The following SETD3 variants were observed in gnomAD, a reference collection of about 807,000 sequenced individuals.
The protein encoded by SETD3 is actin-histidine N-methyltransferase.
SETD3 carries 19 observed loss-of-function variants against 63.0 expected under a neutral mutation model. That is an observed-to-expected ratio of 0.30 (90% CI 0.21 to 0.44). The LOEUF is 0.44. SETD3 is among the 20% of genes least tolerant of loss of function. SETD3 has a pLI of 1.00. For missense variants in SETD3, 587 were observed against 728.5 expected, an observed-to-expected ratio of 0.81 and a Z score of 2.24; for synonymous variants, 286 against 264.1, an observed-to-expected ratio of 1.08 and a Z score of -0.80.
chr14:99,411,593 A>G (rs1336889296), intron 8 of SETD3: 1 of 152,200 alleles, frequency 6.6e-6, no homozygotes, highest in Admixed American at 6.5e-5. Flanking sequence ...AAAGAACTCT[A>G]ATAATCAATT....
intron 6 of SETD3, among the ~76,000 whole-genome samples, chr14:99,420,561 G>A (rs992948384): frequency 2.0e-5 from 3 of 152,008 alleles, no homozygotes; most frequent in African/African-American, 4.8e-5. Flanking sequence ...CAGCCCATGT[G>A]GGCACCCCTG....
chr14:99,448,482 G>A (rs534823715), intron 6 of SETD3, among the ~76,000 whole-genome samples: 1 of 152,160 alleles, frequency 6.6e-6, no homozygotes, highest in Admixed American at 6.5e-5. Flanking sequence ...TTACCTCACT[G>A]GAAAAGTCCT....
At chr14:99,452,967 G>C (rs1894547581) in intron 6 of SETD3, among the ~76,000 whole-genome samples, 1 of 152,218 alleles carries the variant, frequency 6.6e-6, no homozygotes, top group Non-Finnish European at 1.5e-5. Context: ...TGAATTTGGA[G>C]CACCCTGCCA....
At chr14:99,420,975 GGTGGGA>G in intron 6 of SETD3, among the ~76,000 whole-genome samples, 1 of 76,224 alleles carries the variant, frequency 1.3e-5, no homozygotes. Flanking sequence ...GGGGGGGGGG[GGTGGGA>G]GGTGCAGACA....
intron 1 of SETD3, among the ~76,000 whole-genome samples, chr14:99,473,856 T>C (rs982763965): frequency 2.6e-5 from 4 of 152,184 alleles, no homozygotes; most frequent in Non-Finnish European, 5.9e-5. Context: ...AATGTTTCCT[T>C]TCCTACAGAT....
At chr14:99,473,151 G>C (rs578071791) in intron 1 of SETD3, among the ~76,000 whole-genome samples, 2 of 152,298 alleles carry the variant, frequency 1.3e-5, no homozygotes, top group African/African-American at 4.8e-5. Context: ...ATTATTTAAA[G>C]TGCTGACTAA....
intron 6 of SETD3, among the ~76,000 whole-genome samples, chr14:99,446,747 T>C (rs900594093): frequency 6.6e-6 from 1 of 151,962 alleles, no homozygotes; most frequent in Admixed American, 6.6e-5. Context: ...CATGGTTTAA[T>C]AGGAGGACTT....
chr14:99,446,594 C>T (rs771126028), intron 6 of SETD3, among the ~76,000 whole-genome samples: 3 of 152,136 alleles, frequency 2.0e-5, no homozygotes, highest in Non-Finnish European at 2.9e-5. Flanking sequence ...CAAACACCTG[C>T]GTCACAGGTA....
intron 8 of SETD3, 91 bp downstream of exon 8, chr14:99,412,860 T>G (rs1282825990): frequency 6.9e-6 from 6 of 875,378 alleles, no homozygotes; most frequent in Non-Finnish European, 1.1e-5. Context: ...ACGGGGGGAG[T>G]ACGATGGGTA....
At position 99,480,817 on chromosome 14, in the gene SETD3, T is replaced by TGGC. The variant is rs941563485; in HGVS notation, c.-101_-99dup. ...ACCAACCCCCAGGCGGTGGCGGCGG[T>TGGC]GGCGGCGGCGGCGGCCGGACGGGAG... On this transcript the variant is annotated 5_prime_UTR_variant, in exon 1 of 13. Coordinates refer to ENST00000331768, the MANE Select transcript of SETD3 (RefSeq NM_032233.3). The TGGC allele has an allele frequency of 1.5e-4, 25 of 161,728 alleles. No homozygotes were observed. Among genetic ancestry groups the TGGC allele is most frequent in the Non-Finnish European group, 3.0e-4 (23 of 76,798 alleles). The allele number at this position is 161,728 out of a possible 1,614,324, so 10.0% of individuals were successfully genotyped here.
At position 99,431,080 on chromosome 14, in the gene SETD3, A is replaced by AG. The variant is rs528164012; in HGVS notation, c.676-17147dup. Among the ~76,000 whole-genome samples the AG allele has an allele frequency of 3.7e-4, 57 of 152,360 alleles. 1 individual carries two copies. Among genetic ancestry groups the AG allele is most frequent in the African/African-American group, 1.3e-3 (56 of 41,596 alleles). ...AAAAGGCCCAGAAAAGCCCTGCCCC[A>AG]GGTCATCCAACCAGAAAGTACAGGA... On this transcript the variant is annotated intron_variant, in intron 6 of 12. Coordinates refer to ENST00000331768, the MANE Select transcript of SETD3 (RefSeq NM_032233.3).
At chr14:99,467,829 A>C (rs1037668390) in intron 1 of SETD3, among the ~76,000 whole-genome samples, 4 of 152,156 alleles carry the variant, frequency 2.6e-5, no homozygotes, top group African/African-American at 9.7e-5. Flanking sequence ...ACAGCTACAA[A>C]ACAGGCTCTA....
rs115281851 is a variant in SETD3 at position 99,458,390 on chromosome 14, G to A, written c.564C>T (p.Tyr188=). 1.4e-3 allele frequency: 2,283 copies of A among 1,614,150 alleles called. 25 individuals carry two copies. The African/African-American group carries it at 0.025, about 18-fold the overall frequency. The change falls in exon 6 of 13, where the codon TAC becomes TAT. Residue 188 remains tyrosine (Y), a synonymous_variant. Transcript: ENST00000331768. The part of the protein sequence containing the change: ...TLPSEYDTPL[Y]FEEDEVRYLQ... ...GATACCGAACTTCATCTTCTTCAAA[G>A]TAGAGAGGAGTGTCATATTCACTGG...
At chr14:99,481,539 G>A (rs1896320069), upstream of SETD3, 1 of 398,636 alleles carries the variant, frequency 2.5e-6, no homozygotes, top group Non-Finnish European at 4.4e-6. Flanking sequence ...GGAGGTCGGA[G>A]TAGGTTATGG....
chr14:99,403,723 T>C (rs988230903), intron 11 of SETD3, among the ~76,000 whole-genome samples: 6 of 152,240 alleles, frequency 3.9e-5, no homozygotes, highest in Admixed American at 1.3e-4. Flanking sequence ...CTGTTTGCAA[T>C]GTTATTTACT....
At chr14:99,452,563 G>C (rs746216708) in intron 6 of SETD3, among the ~76,000 whole-genome samples, 1 of 152,154 alleles carries the variant, frequency 6.6e-6, no homozygotes, top group South Asian at 2.1e-4. Context: ...CCACCAAAGA[G>C]AGAAAAACAA....
chr14:99,407,746 C>T (rs1891762716), intron 8 of SETD3, among the ~76,000 whole-genome samples: 1 of 152,160 alleles, frequency 6.6e-6, no homozygotes, highest in African/African-American at 2.4e-5. Flanking sequence ...TGTGCACTCC[C>T]ACAGCCCAGT....
intron 6 of SETD3, among the ~76,000 whole-genome samples, chr14:99,453,553 G>A (rs916748579): frequency 3.9e-5 from 6 of 152,090 alleles, no homozygotes; most frequent in African/African-American, 9.7e-5. Flanking sequence ...GGCCAGGCGC[G>A]GTGGCTTATG....
chr14:99,447,791 G>C (rs1894220067), intron 6 of SETD3, among the ~76,000 whole-genome samples: 1 of 152,124 alleles, frequency 6.6e-6, no homozygotes, highest in African/African-American at 2.4e-5. Flanking sequence ...TCATAGCTTG[G>C]GGGAAAAAAA....
Sources: gnomAD v4.1 joint callset for allele counts (sites outside exome capture counted in the v4.1 genomes callset) on GRCh38, gnomAD v4.1.1 for gene constraint, MANE v1.5 for transcripts, NCBI Gene and HGNC (gene_info 2026-07-23, HGNC 2026-07-21) for gene names.